Variants in CAMKMT observed in about 807,000 individuals in gnomAD.
CAMKMT encodes the protein calmodulin-lysine N-methyltransferase.
In CAMKMT, 53 loss-of-function variants were observed where a neutral mutation model predicts 48.0. The observed-to-expected ratio is 1.10, with a 90% CI of 0.89 to 1.39. The LOEUF (loss-of-function observed/expected upper bound fraction) is 1.39, where lower values mean the gene tolerates loss of function less well. CAMKMT is among the 40% of genes most tolerant of loss of function. The probability of loss-of-function intolerance (pLI) is 0.00; values close to 1 mark genes in which losing one functional copy is unlikely to be tolerated. For missense variants in CAMKMT, 428 were observed against 402.7 expected (o/e 1.06, Z -0.54); for synonymous variants, 165 against 152.3 (o/e 1.08, Z -0.61).
chr2:44,427,671 A>G (rs1000417309), intron 3 of CAMKMT, among the ~76,000 whole-genome samples: 3 of 152,222 alleles, frequency 2.0e-5, no homozygotes, highest in African/African-American at 7.2e-5. Context: ...TAAAATGTGT[A>G]TATGTATTTT....
chr2:44,417,785 A>G (rs565928822), intron 3 of CAMKMT, among the ~76,000 whole-genome samples: 35 of 152,328 alleles, frequency 2.3e-4, no homozygotes, highest in Admixed American at 1.4e-3. Context: ...TTCTATGCAG[A>G]TTCCTGATGA....
In CAMKMT at chr2:44,707,458, C is replaced by A; in HGVS notation, c.552C>A (p.Ile184=). The change falls in exon 6 of 11, where the codon ATC becomes ATA. Residue 184 remains isoleucine (I), a synonymous_variant. Coordinates refer to ENST00000378494, the MANE Select transcript of CAMKMT (RefSeq NM_024766.5). The part of the protein sequence containing the change: ...VLLTDGNEKA[I]RNVQDIITRN... ...TAACTGATGGGAATGAAAAGGCCAT[C>A]AGAAGTATCCTTATTCAGATAGAAA... 1 of 1,611,976 alleles carries A rather than the reference C, an allele frequency of 6.2e-7. No individual in the cohort carries two copies.
At chr2:44,365,537 C>T (rs76661261) in intron 1 of CAMKMT, among the ~76,000 whole-genome samples, 3,834 of 152,244 alleles carry the variant, frequency 0.025, 178 homozygotes, top group African/African-American at 0.088. Context: ...CTGGCAACTC[C>T]GGGCTTTCAT....
At chr2:44,389,523 G>C (rs1438131470) in intron 2 of CAMKMT, among the ~76,000 whole-genome samples, 1 of 152,074 alleles carries the variant, frequency 6.6e-6, no homozygotes, top group Non-Finnish European at 1.5e-5. Context: ...TTATATGGGA[G>C]AGAATGTAGA....
At position 44,372,808 on chromosome 2, in the gene CAMKMT, A is replaced by G; in HGVS notation, c.231A>G (p.Lys77=). 6.2e-7 allele frequency: 1 copy of G among 1,614,004 alleles called. No homozygotes were observed. The highest frequency in any genetic ancestry group is 8.5e-7 in the Non-Finnish European group (1 of 1,179,944). The change falls in exon 2 of 11, where the codon AAA becomes AAG. Residue 77 remains lysine (K), a synonymous_variant. Coordinates refer to ENST00000378494, the MANE Select transcript of CAMKMT (RefSeq NM_024766.5). ...SFNLFSVTEG[K]ERETEEEVGA... is the part of the protein sequence containing the mutation. The stretch of plus-strand genomic sequence containing the variant: ...ATCTGTTTTCAGTAACAGAAGGCAA[A>G]GAAAGGGAAACTGAAGAGGAGGTTG...
intron 3 of CAMKMT, among the ~76,000 whole-genome samples, chr2:44,447,524 C>T (rs1667067941): frequency 6.6e-6 from 1 of 152,190 alleles, no homozygotes; most frequent in Non-Finnish European, 1.5e-5. Flanking sequence ...TGGCTTACAA[C>T]ACTAACATTT....
intron 1 of CAMKMT, among the ~76,000 whole-genome samples, chr2:44,367,874 A>G (rs571239315): frequency 6.6e-6 from 1 of 152,342 alleles, no homozygotes; most frequent in African/African-American, 2.4e-5. Context: ...TACTCTTCTA[A>G]AAGATTTTCA....
At chr2:44,558,951 GTC>G (rs1212363507) in intron 3 of CAMKMT, among the ~76,000 whole-genome samples, 3 of 89,350 alleles carry the variant, frequency 3.4e-5, no homozygotes, top group Non-Finnish European at 5.1e-5. Context: ...TGGAAAATGT[GTC>G]TCTGTGTGTG....
At chr2:44,460,267 A>G (rs1339832547) in intron 3 of CAMKMT, among the ~76,000 whole-genome samples, 4 of 152,204 alleles carry the variant, frequency 2.6e-5, no homozygotes, top group Admixed American at 6.5e-5. Flanking sequence ...AATAATTTTC[A>G]TAAAAATGTA....
In CAMKMT at chr2:44,766,303, A is replaced by T. The variant is rs937707945; in HGVS notation, c.763-127A>T. 6.2e-6 allele frequency: 6 copies of T among 962,646 alleles called. No homozygotes were observed. The African/African-American group carries it at 8.3e-5, about 13-fold the overall frequency. The allele number at this position is 962,646 out of a possible 1,614,324, so 59.6% of individuals were successfully genotyped here. A position where few individuals can be genotyped will look rare whatever the true frequency, so the allele number is the denominator to read the frequency against. On this transcript the variant is annotated intron_variant, in intron 9 of 10. Coordinates refer to ENST00000378494, the MANE Select transcript of CAMKMT (RefSeq NM_024766.5). The stretch of plus-strand genomic sequence containing the variant: ...TTCTCACTGTGAATGTCCATCCTGC[A>T]TAGACATCTCAAGAACAATTGAGTT...
chr2:44,381,973 C>G (rs1217914511), intron 2 of CAMKMT, among the ~76,000 whole-genome samples: 1 of 133,736 alleles, frequency 7.5e-6, no homozygotes, highest in Non-Finnish European at 1.6e-5. Context: ...TGGAGTTTCG[C>G]TCTTGTCACC....
intron 3 of CAMKMT, among the ~76,000 whole-genome samples, chr2:44,630,628 C>CA (rs1156952877): frequency 2.6e-5 from 4 of 151,704 alleles, no homozygotes; most frequent in Non-Finnish European, 4.4e-5. Flanking sequence ...TTTATGCAGC[C>CA]AAAAAACACA....
At chr2:44,764,904 A>G (rs1419473973) in intron 9 of CAMKMT, among the ~76,000 whole-genome samples, 1 of 152,154 alleles carries the variant, frequency 6.6e-6, no homozygotes, top group African/African-American at 2.4e-5. Context: ...AGAGTTGATA[A>G]TACCTACAAC....
chr2:44,538,751 T>G (rs1666920505), intron 3 of CAMKMT, among the ~76,000 whole-genome samples: 1 of 150,190 alleles, frequency 6.7e-6, no homozygotes, highest in Non-Finnish European at 1.5e-5. Flanking sequence ...AAAAACCACT[T>G]GTACCCCCAA....
At chr2:44,763,616 A>G (rs1282758696) in intron 9 of CAMKMT, among the ~76,000 whole-genome samples, 1 of 152,200 alleles carries the variant, frequency 6.6e-6, no homozygotes, top group Non-Finnish European at 1.5e-5. Flanking sequence ...GGTAAGTGCT[A>G]AGAACAAAAA....
chr2:44,533,047 C>T (rs1666576474), intron 3 of CAMKMT, among the ~76,000 whole-genome samples: 1 of 151,904 alleles, frequency 6.6e-6, no homozygotes, highest in Non-Finnish European at 1.5e-5. Flanking sequence ...CTCCTGACTT[C>T]AGGTGATTCA....
At chr2:44,701,158 G>A (rs544068129) in intron 3 of CAMKMT, among the ~76,000 whole-genome samples, 1 of 152,140 alleles carries the variant, frequency 6.6e-6, no homozygotes, top group Non-Finnish European at 1.5e-5. Context: ...CAGTGGAATT[G>A]CTGGGTCATA....
chr2:44,491,150 CAAAA>C (rs201007456), intron 3 of CAMKMT, among the ~76,000 whole-genome samples: 39 of 114,176 alleles, frequency 3.4e-4, no homozygotes, highest in Non-Finnish European at 3.2e-4. Context: ...GACCTTGTCT[CAAAA>C]AAAAAAAAAA....
intron 3 of CAMKMT, among the ~76,000 whole-genome samples, chr2:44,677,900 T>G (rs1558790041): frequency 1.3e-5 from 2 of 152,234 alleles, no homozygotes; most frequent in Non-Finnish European, 2.9e-5. Context: ...TATGTGTATT[T>G]CACAGCTGGA....
Sources: allele counts gnomAD v4.1 joint callset (sites outside exome capture counted in the v4.1 genomes callset), GRCh38; gene constraint gnomAD v4.1.1; transcripts MANE v1.5; gene names NCBI Gene and HGNC (gene_info 2026-07-23, HGNC 2026-07-21).